The following PRKCA variants were observed in gnomAD, a reference collection of about 807,000 sequenced individuals.
The protein encoded by PRKCA is protein kinase C alpha type.
A neutral mutation model predicts 87.0 loss-of-function variants in PRKCA; 27 were observed. That is an observed-to-expected ratio of 0.31 (90% confidence interval 0.23 to 0.43). PRKCA has a LOEUF of 0.43. Among genes scored for constraint, PRKCA ranks in the 20% least tolerant of loss-of-function variants. PRKCA has a pLI of 1.00. For synonymous variants in PRKCA, 329 were observed against 311.1 expected (o/e 1.06, Z -0.61); for missense variants, 518 against 852.3 (o/e 0.61, Z 4.88).
chr17:66,654,967 T>C (rs1340067432), intron 5 of PRKCA, among the ~76,000 whole-genome samples: 1 of 152,236 alleles, frequency 6.6e-6, no homozygotes, highest in Non-Finnish European at 1.5e-5. Context: ...TTTTTCTTAG[T>C]GGCCCCAGTT....
chr17:66,784,235 A>G (rs923447797), intron 14 of PRKCA, among the ~76,000 whole-genome samples: 44 of 152,160 alleles, frequency 2.9e-4, no homozygotes, highest in Admixed American at 1.0e-3. Flanking sequence ...CCACGCCCTC[A>G]GCAGAAACCA....
intron 3 of PRKCA, among the ~76,000 whole-genome samples, chr17:66,588,661 T>C (rs1969695079): frequency 1.9e-5 from 2 of 105,582 alleles, no homozygotes; most frequent in African/African-American, 4.1e-5. Flanking sequence ...TTTTTTTTTT[T>C]TGAGAGTTTC....
At chr17:66,550,640 C>T (rs12939542) in intron 3 of PRKCA, among the ~76,000 whole-genome samples, 6 of 152,100 alleles carry the variant, frequency 3.9e-5, no homozygotes, top group Admixed American at 3.9e-4. Context: ...CAGAGTGAGA[C>T]TCTGTCTCAA....
intron 5 of PRKCA, among the ~76,000 whole-genome samples, chr17:66,686,745 C>A (rs1972638989): frequency 6.6e-6 from 1 of 152,096 alleles, no homozygotes; most frequent in South Asian, 2.1e-4. Context: ...CACCATTACT[C>A]CTGGGGAGCT....
chr17:66,677,436 TC>T (rs1318634168), intron 5 of PRKCA: 1 of 152,220 alleles, frequency 6.6e-6, no homozygotes, highest in Non-Finnish European at 1.5e-5. Context: ...TCACATATCG[TC>T]CGTGTCTGCT....
At chr17:66,543,896 C>G (rs368261794) in intron 3 of PRKCA, among the ~76,000 whole-genome samples, 42 of 152,280 alleles carry the variant, frequency 2.8e-4, no homozygotes, top group African/African-American at 9.9e-4. Context: ...TGAACTTCAG[C>G]AGGCCCCATA....
chr17:66,328,383 A>G (rs67675584), intron 2 of PRKCA, among the ~76,000 whole-genome samples: 57,398 of 151,800 alleles, frequency 0.38, 10,933 homozygotes, highest in Middle Eastern at 0.55. Context: ...TGGAAATAAT[A>G]TTTGAATGAA....
At chr17:66,774,807 G>A in intron 14 of PRKCA, 1 of 985,364 alleles carries the variant, frequency 1.0e-6, no homozygotes, top group Non-Finnish European at 1.2e-6. Flanking sequence ...TGTTTTAATA[G>A]TTTCTCCCCA....
rs115525906 is a variant in PRKCA at position 66,427,910 on chromosome 17, C to T, written c.206-68291C>T. ...TTATGAAAGTTAATGTTTAATCTGA[C>T]TTGCTCCAAACGAGGACAAAGTTAG... is the stretch of plus-strand genomic sequence containing the variant. On this transcript the variant is annotated intron_variant, in intron 2 of 16. Coordinates refer to ENST00000413366, the MANE Select transcript of PRKCA (RefSeq NM_002737.3). Among the ~76,000 whole-genome samples, 339 of 152,326 alleles carry T rather than the reference C, an allele frequency of 2.2e-3. 1 individual carries two copies. Among genetic ancestry groups the T allele is most frequent in the African/African-American group, 7.7e-3 (320 of 41,576 alleles).
At chr17:66,389,994 C>T (rs970026996) in intron 2 of PRKCA, among the ~76,000 whole-genome samples, 12 of 152,202 alleles carry the variant, frequency 7.9e-5, no homozygotes, top group South Asian at 2.1e-4. Context: ...GAGGCCAAGG[C>T]GGGTGGATCA....
intron 13 of PRKCA, among the ~76,000 whole-genome samples, chr17:66,771,866 A>C (rs1974941817): frequency 6.6e-6 from 1 of 152,154 alleles, no homozygotes. Flanking sequence ...AAGTGCTGGG[A>C]TTACAGGCAT....
intron 3 of PRKCA, among the ~76,000 whole-genome samples, chr17:66,612,698 A>G (rs1231172096): frequency 6.6e-6 from 1 of 151,118 alleles, no homozygotes; most frequent in Non-Finnish European, 1.5e-5. Context: ...CATATGTGCA[A>G]TTGAGAATAT....
At chr17:66,353,227 C>A (rs990604992) in intron 2 of PRKCA, among the ~76,000 whole-genome samples, 1 of 152,192 alleles carries the variant, frequency 6.6e-6, no homozygotes, top group Non-Finnish European at 1.5e-5. Context: ...GCAGATCTTT[C>A]TGCACATTTT....
chr17:66,320,173 A>G (rs1341965588), intron 2 of PRKCA, among the ~76,000 whole-genome samples: 1 of 152,190 alleles, frequency 6.6e-6, no homozygotes, highest in Non-Finnish European at 1.5e-5. Context: ...TGTCTAGCCC[A>G]GGTTCTTGAA....
At chr17:66,517,347 A>G (rs557997314) in intron 3 of PRKCA, among the ~76,000 whole-genome samples, 47 of 152,170 alleles carry the variant, frequency 3.1e-4, no homozygotes, top group South Asian at 1.9e-3. Flanking sequence ...CTGTCCCCCA[A>G]TGGACTCCTT....
intron 2 of PRKCA, among the ~76,000 whole-genome samples, chr17:66,386,171 C>G (rs1243805670): frequency 2.1e-4 from 32 of 152,160 alleles, no homozygotes; most frequent in Non-Finnish European, 4.4e-5. Flanking sequence ...GGTATCTCTG[C>G]CCTACATTAT....
intron 2 of PRKCA, among the ~76,000 whole-genome samples, chr17:66,370,665 C>A (rs1207056333): frequency 6.6e-6 from 1 of 151,216 alleles, no homozygotes; most frequent in Non-Finnish European, 1.5e-5. Context: ...ATCCTTCCAC[C>A]TCAGACTCCC....
intron 8 of PRKCA, among the ~76,000 whole-genome samples, chr17:66,720,232 T>G (rs1054144895): frequency 6.6e-6 from 1 of 152,174 alleles, no homozygotes; most frequent in African/African-American, 2.4e-5. Context: ...GGGAGTCCCG[T>G]GCCTATCTGG....
intron 2 of PRKCA, among the ~76,000 whole-genome samples, chr17:66,417,268 T>G (rs907169398): frequency 1.3e-5 from 2 of 152,094 alleles, no homozygotes; most frequent in Non-Finnish European, 2.9e-5. Flanking sequence ...CATAGTTTAC[T>G]GCAGTTTACC....
Sources: allele counts gnomAD v4.1 joint callset (sites outside exome capture counted in the v4.1 genomes callset), GRCh38; gene constraint gnomAD v4.1.1; transcripts MANE v1.5; gene names NCBI Gene and HGNC (gene_info 2026-07-23, HGNC 2026-07-21).